Variants in ZNF605 observed in about 807,000 individuals in gnomAD.
ZNF605 encodes zinc finger protein 605.
In ZNF605, 9 loss-of-function variants were observed where a neutral mutation model predicts 7.9. That is an observed-to-expected ratio of 1.14 (90% CI 0.68 to 1.98). The LOEUF is 1.98. ZNF605 is among the 30% of genes most tolerant of loss of function. The pLI is 0.00. For missense variants in ZNF605, 673 were observed against 762.4 expected (o/e 0.88, Z 1.38); for synonymous variants, 255 against 260.1 (o/e 0.98, Z 0.19).
intron 4 of ZNF605, among the ~76,000 whole-genome samples, chr12:132,931,369 G>T (rs1952307697): frequency 6.6e-6 from 1 of 152,072 alleles, no homozygotes; most frequent in East Asian, 1.9e-4. Context: ...CTCTCTTTAT[G>T]GGGAAAAAAA....
intron 3 of ZNF605, among the ~76,000 whole-genome samples, chr12:132,940,563 C>T (rs1952425964): frequency 6.6e-6 from 1 of 152,080 alleles, no homozygotes. Flanking sequence ...CCCCTGCTAG[C>T]CTTTGCCCCA....
chr12:132,943,057 C>T (rs1003933404), intron 3 of ZNF605, among the ~76,000 whole-genome samples: 4 of 152,102 alleles, frequency 2.6e-5, no homozygotes, highest in Non-Finnish European at 1.5e-5. Flanking sequence ...AGGAGTTCAG[C>T]TCCTGGTTAA....
At chr12:132,955,538 G>A (rs1055625244) in intron 1 of ZNF605, among the ~76,000 whole-genome samples, 112 of 152,262 alleles carry the variant, frequency 7.4e-4, no homozygotes, top group African/African-American at 2.6e-3. Flanking sequence ...AGTCATATAG[G>A]GAACGGGAGA....
intron 1 of ZNF605, among the ~76,000 whole-genome samples, chr12:132,954,788 C>T (rs1952617918): frequency 6.6e-6 from 1 of 152,100 alleles, no homozygotes; most frequent in Non-Finnish European, 1.5e-5. Context: ...ATGCCGATCC[C>T]GCAGGCCCCT....
chr12:132,934,703 T>C (rs1408859145), intron 3 of ZNF605, among the ~76,000 whole-genome samples: 1 of 25,504 alleles, frequency 3.9e-5, no homozygotes, highest in Non-Finnish European at 1.5e-4. Context: ...AGATTCCGTC[T>C]AAAAAAAAAA....
intron 1 of ZNF605, among the ~76,000 whole-genome samples, chr12:132,955,043 A>G (rs1952621223): frequency 1.3e-5 from 2 of 152,286 alleles, no homozygotes; most frequent in Admixed American, 1.3e-4. Flanking sequence ...TCAGCTGTCA[A>G]ATAAAACATA....
chr12:132,932,536 T>C (rs1487407923), intron 4 of ZNF605, among the ~76,000 whole-genome samples: 1 of 152,166 alleles, frequency 6.6e-6, no homozygotes. Context: ...CATCCCGATG[T>C]GGAGACCAGG....
chr12:132,936,970 T>C (rs1424547730), intron 3 of ZNF605, among the ~76,000 whole-genome samples: 1 of 152,218 alleles, frequency 6.6e-6, no homozygotes, highest in Non-Finnish European at 1.5e-5. Context: ...ACATACTTGC[T>C]AAAGCACTCA....
At chr12:132,943,512 G>A (rs948415083) in intron 3 of ZNF605, among the ~76,000 whole-genome samples, 15 of 152,162 alleles carry the variant, frequency 9.9e-5, no homozygotes, top group Non-Finnish European at 1.8e-4. Flanking sequence ...GGGAGCTGCA[G>A]TCAGGGGTCG....
At position 132,926,448 on chromosome 12, in the gene ZNF605, C is replaced by T. The variant is rs1307240819; in HGVS notation, c.851G>A (p.Ser284Asn). 1.4e-5 allele frequency: 22 copies of T among 1,614,182 alleles called. No homozygotes were observed. The highest frequency in any genetic ancestry group is 2.2e-5 in the South Asian group (2 of 91,078). ...CTGGGAGAATGCTTTCCCACACTCA[C>T]TGCAACTGTAGGGTTTCTCTATTGT... is the stretch of plus-strand genomic sequence containing the variant. ...THTIEKPYSCSECGKAFSQKL... is the reference protein window; with the variant it reads ...THTIEKPYSCNECGKAFSQKL... The change falls in exon 5 of 5, where the codon AGT becomes AAT. Residue 284 changes from serine to asparagine, a missense_variant. Physicochemically the swap from Ser to Asn is conservative, Grantham distance 46 (BLOSUM62 1). Coordinates refer to ENST00000360187, the MANE Select transcript of ZNF605 (RefSeq NM_183238.4).
intron 4 of ZNF605, among the ~76,000 whole-genome samples, chr12:132,929,474 A>T (rs1478738137): frequency 6.6e-6 from 1 of 152,208 alleles, no homozygotes; most frequent in Non-Finnish European, 1.5e-5. Flanking sequence ...CAAAGATGAT[A>T]ATACTATTCA....
At chr12:132,952,927 T>C (rs1952587671) in intron 1 of ZNF605, among the ~76,000 whole-genome samples, 1 of 151,684 alleles carries the variant, frequency 6.6e-6, no homozygotes, top group Non-Finnish European at 1.5e-5. Flanking sequence ...CCCTGCCAAG[T>C]TCCCCGGATT....
intron 3 of ZNF605, among the ~76,000 whole-genome samples, chr12:132,934,257 A>G (rs1952336881): frequency 6.6e-6 from 1 of 151,918 alleles, no homozygotes; most frequent in East Asian, 1.9e-4. Context: ...CAGCCTGGGC[A>G]ACAGAGCAAG....
intron 1 of ZNF605, among the ~76,000 whole-genome samples, chr12:132,955,288 C>G (rs1415529088): frequency 1.3e-5 from 2 of 152,182 alleles, no homozygotes; most frequent in Non-Finnish European, 2.9e-5. Context: ...GGCGACCAGA[C>G]AGCAGAGCGG....
intron 1 of ZNF605, among the ~76,000 whole-genome samples, chr12:132,949,440 T>C (rs77609394): frequency 0.17 from 25,444 of 152,188 alleles, 2,403 homozygotes; most frequent in South Asian, 0.25. Context: ...CCTGCGCCTT[T>C]TGCAGCCTCC....
intron 1 of ZNF605, among the ~76,000 whole-genome samples, chr12:132,951,283 C>T (rs896610312): frequency 1.3e-5 from 2 of 151,394 alleles, no homozygotes; most frequent in African/African-American, 2.4e-5. Flanking sequence ...CACAGATACA[C>T]GTACACACAG....
chr12:132,932,622 T>G lies in ZNF605; in HGVS notation c.136+413A>C. 3 of 820,326 alleles carry G rather than the reference T, an allele frequency of 3.7e-6. No homozygotes were observed. In the South Asian group the frequency reaches 5.8e-5, roughly 16 times the overall value. The allele number at this position is 820,326 out of a possible 1,614,324, so 50.8% of individuals were successfully genotyped here. A position where few individuals can be genotyped will look rare whatever the true frequency, so the allele number is the denominator to read the frequency against. ...AAAGATTCAGGAACTTTAAACACAG[T>G]TTTATAAACAACACTTTAAAAGTGC... On this transcript the variant is annotated intron_variant, in intron 4 of 4. Transcript: ENST00000360187.
chr12:132,945,769 T>G lies in ZNF605; in HGVS notation c.-134A>C. On this transcript the variant is annotated 5_prime_UTR_variant, in exon 3 of 5. An upstream start codon of the reference 5' UTR is lost. Coordinates refer to ENST00000360187, the MANE Select transcript of ZNF605 (RefSeq NM_183238.4). ...GTGGGCTCTTCTTTCTTATCTCACA[T>G]GAATTGTCTTGTTCCAGAGGGCTAT... 1 of 1,288,346 alleles carries G rather than the reference T, an allele frequency of 7.8e-7. No homozygotes were observed. Among genetic ancestry groups the G allele is most frequent in the South Asian group, 1.2e-5 (1 of 83,918 alleles). The allele number at this position is 1,288,346 out of a possible 1,614,324, so 79.8% of individuals were successfully genotyped here.
At chr12:132,951,022 CACGT>C (rs1196976110) in intron 1 of ZNF605, among the ~76,000 whole-genome samples, 2 of 150,044 alleles carry the variant, frequency 1.3e-5, no homozygotes, top group African/African-American at 4.9e-5. Context: ...ATACTGATAA[CACGT>C]ACATCACAGA....
Sources: gnomAD v4.1 joint callset for allele counts (sites outside exome capture counted in the v4.1 genomes callset) on GRCh38, gnomAD v4.1.1 for gene constraint, MANE v1.5 for transcripts, NCBI Gene and HGNC (gene_info 2026-07-23, HGNC 2026-07-21) for gene names.